Variants in AGBL4 observed in about 807,000 individuals in gnomAD.
The protein encoded by AGBL4 is AGBL carboxypeptidase 4.
Under a neutral mutation model 66.4 loss-of-function variants are expected in AGBL4, and 58 were observed. The ratio of observed to expected loss-of-function variants is 0.87; its 90% CI spans 0.71 to 1.09. The LOEUF (loss-of-function observed/expected upper bound fraction) is 1.09, where lower values mean the gene tolerates loss of function less well. Ranked by LOEUF, AGBL4 falls within the 50% of genes least tolerant of loss-of-function variation. The pLI, the probability that AGBL4 is intolerant of heterozygous loss-of-function variation, is 0.00. For synonymous variants in AGBL4, 234 were observed against 222.9 expected (o/e 1.05, Z -0.44); for missense variants, 579 against 631.0 (o/e 0.92, Z 0.88).
intron 3 of AGBL4, among the ~76,000 whole-genome samples, chr1:49,250,664 G>A (rs956073590): frequency 1.3e-5 from 2 of 151,962 alleles, no homozygotes; most frequent in Non-Finnish European, 1.5e-5. Flanking sequence ...GGATGGTCTC[G>A]AACTCTTGAC....
intron 3 of AGBL4, among the ~76,000 whole-genome samples, chr1:49,626,319 C>T (rs543871963): frequency 5.9e-5 from 9 of 152,260 alleles, no homozygotes; most frequent in Admixed American, 5.2e-4. Context: ...CCAGTAGTGA[C>T]AAGACCCCAT....
At chr1:48,962,631 A>T (rs12097797) in intron 5 of AGBL4, among the ~76,000 whole-genome samples, 1 of 152,070 alleles carries the variant, frequency 6.6e-6, no homozygotes, top group African/African-American at 2.4e-5. Flanking sequence ...GACCTGGATT[A>T]TTCGGGCCTT....
chr1:49,055,127 TAG>T, intron 4 of AGBL4, among the ~76,000 whole-genome samples: 1 of 152,162 alleles, frequency 6.6e-6, no homozygotes, highest in Non-Finnish European at 1.5e-5. Flanking sequence ...AGCTTATTAG[TAG>T]AGTCTTTTGA....
chr1:49,778,729 C>T (rs1644262309), intron 2 of AGBL4, among the ~76,000 whole-genome samples: 1 of 152,070 alleles, frequency 6.6e-6, no homozygotes, highest in African/African-American at 2.4e-5. Context: ...CCAAATACAA[C>T]ATGTTCTCAT....
At chr1:49,501,511 T>A (rs941798256) in intron 3 of AGBL4, among the ~76,000 whole-genome samples, 1 of 144,988 alleles carries the variant, frequency 6.9e-6, no homozygotes, top group Non-Finnish European at 1.6e-5. Context: ...TTTTCTTTCA[T>A]TTATAATTTT....
intron 1 of AGBL4, among the ~76,000 whole-genome samples, chr1:49,896,608 A>AACACACACACAC (rs58132063): frequency 7.5e-5 from 10 of 133,726 alleles, no homozygotes; most frequent in Non-Finnish European, 1.3e-4. Flanking sequence ...GACCCATGAA[A>AACACACACACAC]ACACACACAC....
At chr1:49,557,427 C>A (rs752029754) in intron 3 of AGBL4, among the ~76,000 whole-genome samples, 2 of 152,084 alleles carry the variant, frequency 1.3e-5, no homozygotes, top group African/African-American at 2.4e-5. Flanking sequence ...CACACCCCCA[C>A]AACCTGGCAG....
At chr1:49,207,542 T>TTTCTTCTTTATTTC (rs1217267952) in intron 4 of AGBL4, among the ~76,000 whole-genome samples, 1 of 77,976 alleles carries the variant, frequency 1.3e-5, no homozygotes, top group African/African-American at 4.9e-5. Context: ...TTTTTCTTTC[T>TTTCTTCTTTATTTC]TTTCTTTCTT....
intron 3 of AGBL4, among the ~76,000 whole-genome samples, chr1:49,563,723 G>C (rs538812948): frequency 6.6e-6 from 1 of 151,344 alleles, no homozygotes; most frequent in East Asian, 1.9e-4. Context: ...GTATTTTATT[G>C]AGGATTTTTG....
chr1:49,633,685 C>A (rs925769119), intron 3 of AGBL4, among the ~76,000 whole-genome samples: 1 of 151,684 alleles, frequency 6.6e-6, no homozygotes, highest in African/African-American at 2.4e-5. Context: ...ATAAATAAAG[C>A]AGATAAAATG....
chr1:49,153,946 C>A (rs1646384297), intron 4 of AGBL4, among the ~76,000 whole-genome samples: 1 of 152,068 alleles, frequency 6.6e-6, no homozygotes, highest in African/African-American at 2.4e-5. Context: ...AACATTCCTA[C>A]CTCAGAGATT....
At chr1:48,998,573 G>A (rs1288477230) in intron 5 of AGBL4, among the ~76,000 whole-genome samples, 1 of 152,196 alleles carries the variant, frequency 6.6e-6, no homozygotes, top group East Asian at 1.9e-4. Context: ...AAGCTTTAAG[G>A]CAGTGGGCTT....
At chr1:49,494,382 G>A (rs1338720789) in intron 3 of AGBL4, among the ~76,000 whole-genome samples, 2 of 151,496 alleles carry the variant, frequency 1.3e-5, no homozygotes, top group Admixed American at 6.6e-5. Flanking sequence ...CCACTAACTC[G>A]TCATCTAGCA....
intron 5 of AGBL4, among the ~76,000 whole-genome samples, chr1:48,942,202 T>C (rs1043110168): frequency 1.3e-5 from 2 of 152,016 alleles, no homozygotes; most frequent in African/African-American, 4.8e-5. Context: ...AGAAAAGAGA[T>C]ACTGAGAAGG....
At chr1:49,399,239 C>T (rs1268389179) in intron 3 of AGBL4, among the ~76,000 whole-genome samples, 1 of 152,114 alleles carries the variant, frequency 6.6e-6, no homozygotes, top group East Asian at 1.9e-4. Flanking sequence ...TTTATCCATT[C>T]CTCTGTTTAT....
At chr1:49,313,877 TC>T (rs1644988026) in intron 3 of AGBL4, among the ~76,000 whole-genome samples, 1 of 152,216 alleles carries the variant, frequency 6.6e-6, no homozygotes, top group Non-Finnish European at 1.5e-5. Context: ...TTTAATTAGA[TC>T]CCATTTGTCA....
chr1:49,622,690 CATTGTAAAGATCAA>C (rs890650928), intron 3 of AGBL4, among the ~76,000 whole-genome samples: 2 of 145,464 alleles, frequency 1.4e-5, no homozygotes, highest in Non-Finnish European at 3.0e-5. Flanking sequence ...CTTGCAGGGT[CATTGTAAAGATCAA>C]ATTCGAAAAT....
chr1:49,094,634 T>C (rs975466273), intron 4 of AGBL4, among the ~76,000 whole-genome samples: 3 of 151,990 alleles, frequency 2.0e-5, no homozygotes, highest in African/African-American at 7.2e-5. Context: ...TCAGGGATAT[T>C]GGTCTAAAAT....
chr1:48,806,947 T>C (rs1645938286), intron 6 of AGBL4, among the ~76,000 whole-genome samples: 1 of 152,174 alleles, frequency 6.6e-6, no homozygotes, highest in Admixed American at 6.5e-5. Context: ...TGTGTGTGTG[T>C]GTGTATCTGT....
Sources: allele counts gnomAD v4.1 joint callset (sites outside exome capture counted in the v4.1 genomes callset), GRCh38; gene constraint gnomAD v4.1.1; transcripts MANE v1.5; gene names NCBI Gene and HGNC (gene_info 2026-07-23, HGNC 2026-07-21).